Variants in PCDHGB4 observed in about 807,000 individuals in gnomAD.
The protein encoded by PCDHGB4 is protocadherin gamma subfamily B, 4.
PCDHGB4 carries 38 observed loss-of-function variants against 60.5 expected under a neutral mutation model. That is an observed-to-expected ratio of 0.63 (90% confidence interval 0.48 to 0.82). PCDHGB4 has a LOEUF of 0.82. PCDHGB4 is among the 40% of genes least tolerant of loss of function. The pLI is 0.00. For missense variants in PCDHGB4, 1,109 were observed against 1,209.6 expected, an observed-to-expected ratio of 0.92 and a Z score of 1.23; for synonymous variants, 456 against 509.7, an observed-to-expected ratio of 0.89 and a Z score of 1.42.
At chr5:141,415,259 T>C (rs778452630) in intron 1 of PCDHGB4, 1 of 1,614,108 alleles carries the variant, frequency 6.2e-7, no homozygotes, top group Non-Finnish European at 8.5e-7. Flanking sequence ...GACCTCACTC[T>C]GTACCTGGTG....
At position 141,466,670 on chromosome 5, in the gene PCDHGB4, G is replaced by C. The variant is rs994949602; in HGVS notation, c.2398-28137G>C. On this transcript the variant is annotated intron_variant, in intron 1 of 3. Transcript: ENST00000519479. ...TTCACAAAACATCAGTGATTTCACC[G>C]TTCTTCCACTCAAGCTTCATCATAA... Among the ~76,000 whole-genome samples, 3 of 152,046 alleles carry C rather than the reference G, an allele frequency of 2.0e-5. No homozygotes were observed. The South Asian group carries it at 6.2e-4, about 32-fold the overall frequency.
intron 1 of PCDHGB4, among the ~76,000 whole-genome samples, chr5:141,456,166 G>A (rs531975607): frequency 6.6e-6 from 1 of 152,148 alleles, no homozygotes; most frequent in African/African-American, 2.4e-5. Flanking sequence ...TAAAGTGCTG[G>A]GATTACAGAA....
chr5:141,399,360 C>T, intron 1 of PCDHGB4: 1 of 1,613,978 alleles, frequency 6.2e-7, no homozygotes, highest in Non-Finnish European at 8.5e-7. Context: ...GAGAGCAAAC[C>T]CCGGAGTACA....
At position 141,431,387 on chromosome 5, in the gene PCDHGB4, C is replaced by T; in HGVS notation, c.2397+41106C>T. The T allele has an allele frequency of 1.9e-6, 3 of 1,613,938 alleles. 1 individual carries two copies. The South Asian group carries it at 3.3e-5, about 18-fold the overall frequency. Reference sequence around the variant, plus strand: ...CCGCGAAGAAAAGGCTGCTCACCACCTGGTCCTTACGGCCTCCGACGGGGG... The same window carrying T: ...CCGCGAAGAAAAGGCTGCTCACCACTTGGTCCTTACGGCCTCCGACGGGGG... On this transcript the variant is annotated intron_variant, in intron 1 of 3. Coordinates refer to ENST00000519479, the MANE Select transcript of PCDHGB4 (RefSeq NM_003736.4). This position sits in a 1 kb window ranked among gnomAD's most constrained non-coding sequence, Gnocchi z 4.8.
chr5:141,494,845 C>G lies in PCDHGB4; in HGVS notation c.2436C>G (p.Ala812=), dbSNP rs747484430. The part of the protein sequence containing the change: ...PPNTDWRFSQ[A]QRPGTSGSQN... Reference sequence around the variant, plus strand: ...ACACGGACTGGCGTTTCTCTCAGGCCCAGAGACCCGGCACCAGCGGGTAGG... The same window carrying G: ...ACACGGACTGGCGTTTCTCTCAGGCGCAGAGACCCGGCACCAGCGGGTAGG... The change falls in exon 2 of 4, where the codon GCC becomes GCG. Residue 812 remains alanine, a synonymous_variant. Transcript: ENST00000519479. 1.2e-6 allele frequency: 2 copies of G among 1,614,144 alleles called. No individual in the cohort carries two copies. The highest frequency in any genetic ancestry group is 1.7e-6 in the Non-Finnish European group (2 of 1,180,028).
chr5:141,404,225 A>G, intron 1 of PCDHGB4: 6 of 1,613,828 alleles, frequency 3.7e-6, no homozygotes, highest in Non-Finnish European at 5.1e-6. Context: ...GGTGACTGCA[A>G]CAGACAGAGG....
intron 1 of PCDHGB4, chr5:141,418,005 A>G: frequency 6.2e-7 from 1 of 1,613,764 alleles, no homozygotes. Flanking sequence ...GTGGTGGGGA[A>G]CCTCGCTAAG....
Position 141,491,906 on chromosome 5 carries a change from T to A in PCDHGB4, c.2398-2901T>A, listed in dbSNP as rs1490050332. On this transcript the variant is annotated intron_variant, in intron 1 of 3. Transcript: ENST00000519479. The surrounding 1 kb of genome is among the most constrained non-coding windows in gnomAD (Gnocchi z 6.9). ...ATGGGGCTCCGAGCACCGGGGGTGG[T>A]GGCGACTGTGGGCGAGGGGAGGTGG... is the stretch of plus-strand genomic sequence containing the variant. 7.1e-7 allele frequency: 1 copy of A among 1,414,468 alleles called. No individual in the cohort carries two copies. Among genetic ancestry groups the A allele is most frequent in the African/African-American group, 1.4e-5 (1 of 69,002 alleles). 87.6% of individuals were successfully genotyped at this position (1,414,468 alleles called of 1,614,324 possible).
intron 1 of PCDHGB4, chr5:141,398,884 G>C: frequency 6.2e-7 from 1 of 1,613,952 alleles, no homozygotes; most frequent in Non-Finnish European, 8.5e-7. Flanking sequence ...CAGCCTTCGG[G>C]AAAACGTGCC....
At chr5:141,500,618 C>A (rs554274946) in intron 2 of PCDHGB4, among the ~76,000 whole-genome samples, 27 of 152,260 alleles carry the variant, frequency 1.8e-4, no homozygotes, top group African/African-American at 6.5e-4. Context: ...CCCAGTCATA[C>A]GGTACATTTC....
intron 1 of PCDHGB4, chr5:141,419,430 A>T: frequency 1.2e-6 from 2 of 1,613,318 alleles, no homozygotes; most frequent in Non-Finnish European, 1.7e-6. Flanking sequence ...GACCACGAGC[A>T]GCTGCGCACC....
At chr5:141,413,034 G>C in intron 1 of PCDHGB4, 1 of 783,270 alleles carries the variant, frequency 1.3e-6, no homozygotes, top group East Asian at 2.8e-5. Context: ...CAAACCGGCT[G>C]CTGGGCTGCA....
At chr5:141,438,589 TAC>T (rs72335471) in intron 1 of PCDHGB4, among the ~76,000 whole-genome samples, 19,881 of 66,350 alleles carry the variant, frequency 0.3, 2,903 homozygotes, top group Admixed American at 0.41. Context: ...CATACATACA[TAC>T]ATATATATAT....
rs749781059 is a variant in PCDHGB4 at position 141,477,983 on chromosome 5, C to G, written c.2398-16824C>G. On this transcript the variant is annotated intron_variant, in intron 1 of 3. Coordinates refer to ENST00000519479, the MANE Select transcript of PCDHGB4 (RefSeq NM_003736.4). This position sits in a 1 kb window ranked among gnomAD's most constrained non-coding sequence, Gnocchi z 4.9. ...TAACCAGAGCCTTTTTGCCATAGGG[C>G]TGCACACTGGTCAAATCAGTACTGC... The G allele has an allele frequency of 1.7e-5, 27 of 1,614,126 alleles. No homozygotes were observed. The highest frequency in any genetic ancestry group is 2.3e-5 in the Non-Finnish European group (27 of 1,180,024).
chr5:141,504,510 C>T (rs2099838864), intron 2 of PCDHGB4, among the ~76,000 whole-genome samples: 1 of 151,952 alleles, frequency 6.6e-6, no homozygotes, highest in Non-Finnish European at 1.5e-5. Context: ...GAGTGGATCT[C>T]CTCTGATATA....
At position 141,398,516 on chromosome 5, in the gene PCDHGB4, C is replaced by G. The variant is rs779535322; in HGVS notation, c.2397+8235C>G. On this transcript the variant is annotated intron_variant, in intron 1 of 3. Coordinates refer to ENST00000519479, the MANE Select transcript of PCDHGB4 (RefSeq NM_003736.4). ...GAGATCGAGGACATTAATGACCACA[C>G]GCCAAAATTCACGCAAAATTCCTTT... is the stretch of plus-strand genomic sequence containing the variant. The G allele has an allele frequency of 4.4e-5, 70 of 1,598,584 alleles. No individual in the cohort carries two copies. The highest frequency in any genetic ancestry group is 4.3e-4 in the Admixed American group (25 of 58,660).
At chr5:141,455,690 C>T (rs1209152869) in intron 1 of PCDHGB4, among the ~76,000 whole-genome samples, 1 of 152,064 alleles carries the variant, frequency 6.6e-6, no homozygotes, top group Non-Finnish European at 1.5e-5. Context: ...CTGTGGGAAT[C>T]GCCAAGTTGA....
rs145936007 is a variant in PCDHGB4, at chr5:141,490,795, C to T, written c.2398-4012C>T. 2.0e-5 allele frequency: 33 copies of T among 1,614,036 alleles called. No homozygotes were observed. Among genetic ancestry groups the T allele is most frequent in the Non-Finnish European group, 2.8e-5 (33 of 1,179,922 alleles). ...CCCAGAGGATGGACGGATCTTTGCC[C>T]AGCGTACCTTTGACTATGAATTGCT... On this transcript the variant is annotated intron_variant, in intron 1 of 3. Coordinates refer to ENST00000519479, the MANE Select transcript of PCDHGB4 (RefSeq NM_003736.4). This position sits in a 1 kb window ranked among gnomAD's most constrained non-coding sequence, Gnocchi z 5.4.
intron 1 of PCDHGB4, among the ~76,000 whole-genome samples, chr5:141,474,773 G>T (rs1290099424): frequency 6.6e-6 from 1 of 152,182 alleles, no homozygotes; most frequent in East Asian, 1.9e-4. Flanking sequence ...ATAGTATGAG[G>T]CTCTAACACT....
Sources: allele counts gnomAD v4.1 joint callset (sites outside exome capture counted in the v4.1 genomes callset), GRCh38; gene constraint gnomAD v4.1.1; non-coding constraint Gnocchi (gnomAD v3.1); transcripts MANE v1.5; gene names NCBI Gene and HGNC (gene_info 2026-07-23, HGNC 2026-07-21).